ARHGAP44: variants seen among roughly 807,000 people sequenced by gnomAD.
ARHGAP44 encodes Rho GTPase activating protein 44, also known as rho GTPase-activating protein 44.
A neutral mutation model predicts 106.8 loss-of-function variants in ARHGAP44; 43 were observed. The ratio of observed to expected loss-of-function variants is 0.40; its 90% CI spans 0.32 to 0.52. The LOEUF is 0.52. ARHGAP44 is among the 20% of genes least tolerant of loss of function. The pLI is 0.48. For synonymous variants in ARHGAP44, 439 were observed against 410.3 expected (o/e 1.07, Z -0.85); for missense variants, 866 against 1,050.5 (o/e 0.82, Z 2.43).
At chr17:12,811,486 G>A (rs1597874582) in intron 1 of ARHGAP44, among the ~76,000 whole-genome samples, 2 of 152,096 alleles carry the variant, frequency 1.3e-5, no homozygotes, top group Non-Finnish European at 1.5e-5. Flanking sequence ...GAAGAGGTGT[G>A]GAGGTGGAAG....
At chr17:12,897,414 A>G (rs1598016482) in intron 3 of ARHGAP44, among the ~76,000 whole-genome samples, 1 of 145,348 alleles carries the variant, frequency 6.9e-6, no homozygotes, top group African/African-American at 2.5e-5. Context: ...AACCCACTCT[A>G]CTTGTCCTAC....
At chr17:12,988,297 G>C (rs890678610) in intron 20 of ARHGAP44, 11 of 152,268 alleles carry the variant, frequency 7.2e-5, no homozygotes, top group African/African-American at 2.7e-4. Context: ...GCACAGGGAA[G>C]GTAGGAAACT....
At chr17:12,973,981 G>T (rs2039598561) in intron 17 of ARHGAP44, 108 bp from the exon 18 acceptor site, 5 of 1,204,742 alleles carry the variant, frequency 4.2e-6, no homozygotes, top group Non-Finnish European at 6.0e-6. Flanking sequence ...GGGTGCTAAA[G>T]CTGCGCTGCT....
At chr17:12,845,214 A>AG (rs1211162778) in intron 1 of ARHGAP44, among the ~76,000 whole-genome samples, 1 of 151,620 alleles carries the variant, frequency 6.6e-6, no homozygotes, top group Non-Finnish European at 1.5e-5. Flanking sequence ...ATTTACTTTA[A>AG]AAAAAATCAT....
intron 19 of ARHGAP44, among the ~76,000 whole-genome samples, chr17:12,981,953 C>T (rs9890456): frequency 0.58 from 88,163 of 151,808 alleles, 25,772 homozygotes; most frequent in East Asian, 0.86. Flanking sequence ...GGAGGTTGCA[C>T]TGAGCCAAGA....
intron 1 of ARHGAP44, among the ~76,000 whole-genome samples, chr17:12,849,978 A>G (rs1156749429): frequency 6.6e-6 from 1 of 152,166 alleles, no homozygotes; most frequent in Non-Finnish European, 1.5e-5. Context: ...AGCCCATAAA[A>G]GAGCATTCAG....
intron 19 of ARHGAP44, 57 bp from the exon 20 acceptor site, chr17:12,984,474 A>T: frequency 6.7e-7 from 1 of 1,497,614 alleles, no homozygotes; most frequent in Non-Finnish European, 8.8e-7. Context: ...CAGGCCCCAC[A>T]AGTGGCTTCA....
At chr17:12,984,934 T>A (rs954763711) in intron 20 of ARHGAP44, 26 bp downstream of exon 20, 1 of 1,569,948 alleles carries the variant, frequency 6.4e-7, no homozygotes, top group Non-Finnish European at 8.6e-7. Flanking sequence ...GCTCCCTCAC[T>A]TTTTTTTATG....
At chr17:12,813,909 C>T (rs1428796302) in intron 1 of ARHGAP44, among the ~76,000 whole-genome samples, 2 of 152,194 alleles carry the variant, frequency 1.3e-5, no homozygotes, top group Non-Finnish European at 2.9e-5. Flanking sequence ...GTCCAACTGT[C>T]TGCCGTCGTG....
Position 12,990,106 on chromosome 17 carries a change from A to C in ARHGAP44, c.2392A>C (p.Met798Leu), listed in dbSNP as rs371493430. Residue 798 changes from methionine (M) to leucine (L), a missense_variant, in exon 21 of 21, where the codon ATG becomes CTG. Physicochemically the swap from Met to Leu is conservative, Grantham distance 15. Coordinates refer to ENST00000379672, the MANE Select transcript of ARHGAP44 (RefSeq NM_014859.6). ...STLRLSPLEH[M>L]RRHSVTDKRD... ...GCTCCGCCTGAGTCCCCTGGAGCACATGCGGCGACACTCAGTAACTGACAA... is the reference window on the plus strand; with the variant it reads ...GCTCCGCCTGAGTCCCCTGGAGCACCTGCGGCGACACTCAGTAACTGACAA... 1 of 1,613,364 alleles carries C rather than the reference A, an allele frequency of 6.2e-7. No homozygotes were observed. Among genetic ancestry groups the C allele is most frequent in the Non-Finnish European group, 8.5e-7 (1 of 1,179,724 alleles).
chr17:12,961,053 C>T (rs979107820), intron 16 of ARHGAP44, among the ~76,000 whole-genome samples: 6 of 152,176 alleles, frequency 3.9e-5, no homozygotes, highest in African/African-American at 1.4e-4. Flanking sequence ...ATACAGCACT[C>T]CTGATATTCC....
At chr17:12,805,857 G>T (rs1289496262) in intron 1 of ARHGAP44, among the ~76,000 whole-genome samples, 2 of 152,216 alleles carry the variant, frequency 1.3e-5, no homozygotes, top group Non-Finnish European at 2.9e-5. Context: ...AAAGGCTTCA[G>T]CTGGTTCCAT....
intron 1 of ARHGAP44, 160 bp downstream of exon 1, chr17:12,790,051 TC>T: frequency 1.7e-6 from 1 of 598,476 alleles, no homozygotes. Context: ...CGACCCCTCC[TC>T]CCTAACTTCC....
chr17:12,882,987 A>G (rs980446339), intron 1 of ARHGAP44, among the ~76,000 whole-genome samples: 15 of 151,868 alleles, frequency 9.9e-5, no homozygotes, highest in African/African-American at 3.4e-4. Context: ...TATTCTTTGT[A>G]TAAGTTTAGA....
rs1372596302 is a variant in ARHGAP44, at chr17:12,848,143, T to C, written c.54-46797T>C. ...ATGCGATGTTGAATAGAGACAGATA[T>C]CAGACTGTTTCTTATGACTTGCTAC... On this transcript the variant is annotated intron_variant, in intron 1 of 20. Coordinates refer to ENST00000379672, the MANE Select transcript of ARHGAP44 (RefSeq NM_014859.6). 2.0e-5 allele frequency among the ~76,000 whole-genome samples: 3 copies of C among 152,216 alleles called. No individual in the cohort carries two copies. In the East Asian group the frequency reaches 5.8e-4, roughly 29 times the overall value.
At chr17:12,893,750 G>T (rs575766528) in intron 1 of ARHGAP44, among the ~76,000 whole-genome samples, 3 of 152,266 alleles carry the variant, frequency 2.0e-5, no homozygotes, top group African/African-American at 7.2e-5. Flanking sequence ...TCTAAAAAGT[G>T]TCTGTCTTTC....
chr17:12,911,308 A>G (rs559200385), intron 4 of ARHGAP44, among the ~76,000 whole-genome samples: 64 of 151,116 alleles, frequency 4.2e-4, no homozygotes, highest in Non-Finnish European at 4.4e-4. Context: ...AAAATCCGCT[A>G]AAACTACAAT....
At chr17:12,985,107 AG>A (rs1336714677) in intron 20 of ARHGAP44, 199 bp downstream of exon 20, 1 of 637,722 alleles carries the variant, frequency 1.6e-6, no homozygotes, top group African/African-American at 1.8e-5. Flanking sequence ...TGTCCCACAC[AG>A]GGGCTTCTTA....
chr17:12,978,360 A>G (rs1166119677), intron 18 of ARHGAP44, among the ~76,000 whole-genome samples: 2 of 135,754 alleles, frequency 1.5e-5, no homozygotes, highest in Non-Finnish European at 3.2e-5. Flanking sequence ...GAATAGAGAA[A>G]GGAATTACTG....
Sources: gnomAD v4.1 joint callset for allele counts (sites outside exome capture counted in the v4.1 genomes callset) on GRCh38, gnomAD v4.1.1 for gene constraint, MANE v1.5 for transcripts, NCBI Gene and HGNC (gene_info 2026-07-23, HGNC 2026-07-21) for gene names.